CNTN5: variants seen among roughly 807,000 people sequenced by gnomAD.
The protein encoded by CNTN5 is contactin-5.
In CNTN5, 77 loss-of-function variants were observed where a neutral mutation model predicts 129.1. The observed-to-expected ratio is 0.60, with a 90% confidence interval of 0.50 to 0.72. The LOEUF is 0.72. CNTN5 is among the 30% of genes least tolerant of loss of function. CNTN5 has a pLI of 0.00. For synonymous variants in CNTN5, 509 were observed against 465.6 expected, an observed-to-expected ratio of 1.09 and a Z score of -1.20; for missense variants, 1,478 against 1,328.8, an observed-to-expected ratio of 1.11 and a Z score of -1.75.
intron 1 of CNTN5, among the ~76,000 whole-genome samples, chr11:99,046,548 T>C (rs1336275602): frequency 3.3e-5 from 5 of 152,220 alleles, no homozygotes; most frequent in Admixed American, 3.3e-4. Flanking sequence ...GTTTATAAAT[T>C]ATTTACCAGT....
At chr11:99,211,874 AC>A (rs1400864719) in intron 1 of CNTN5, among the ~76,000 whole-genome samples, 2 of 151,922 alleles carry the variant, frequency 1.3e-5, no homozygotes, top group African/African-American at 4.8e-5. Context: ...CTATTCTTTT[AC>A]TTCTTTCATT....
intron 4 of CNTN5, among the ~76,000 whole-genome samples, chr11:99,823,028 C>T (rs1408395029): frequency 1.3e-5 from 2 of 152,194 alleles, no homozygotes; most frequent in African/African-American, 2.4e-5. Context: ...CTCAGTTCAA[C>T]ACCCCTAAGG....
intron 1 of CNTN5, among the ~76,000 whole-genome samples, chr11:99,293,414 G>C (rs1864255427): frequency 6.6e-6 from 1 of 152,054 alleles, no homozygotes; most frequent in African/African-American, 2.4e-5. Context: ...CCTTTGTCTG[G>C]TTCTGGTAGC....
At chr11:99,907,165 T>C (rs1330018894) in intron 6 of CNTN5, among the ~76,000 whole-genome samples, 1 of 152,192 alleles carries the variant, frequency 6.6e-6, no homozygotes, top group Non-Finnish European at 1.5e-5. Flanking sequence ...TTCTGCTAGC[T>C]TTTGAATTTG....
At chr11:99,206,426 C>T (rs1859486184) in intron 1 of CNTN5, among the ~76,000 whole-genome samples, 1 of 152,044 alleles carries the variant, frequency 6.6e-6, no homozygotes, top group African/African-American at 2.4e-5. Context: ...AAATCGGCTG[C>T]TTTATTTTGT....
intron 17 of CNTN5, among the ~76,000 whole-genome samples, chr11:100,267,814 A>G (rs1283851343): frequency 6.6e-6 from 1 of 152,130 alleles, no homozygotes; most frequent in East Asian, 1.9e-4. Context: ...CATTCAAGCT[A>G]TGTGAAAAAA....
At chr11:99,563,554 C>G (rs1404763090) in intron 3 of CNTN5, among the ~76,000 whole-genome samples, 1 of 152,148 alleles carries the variant, frequency 6.6e-6, no homozygotes, top group Non-Finnish European at 1.5e-5. Flanking sequence ...ACAATTTATT[C>G]ACTTAAAATA....
At chr11:99,238,357 C>T (rs535647710) in intron 1 of CNTN5, among the ~76,000 whole-genome samples, 15 of 152,134 alleles carry the variant, frequency 9.9e-5, no homozygotes, top group East Asian at 1.9e-4. Context: ...TAGAGAGAAT[C>T]GATTGGCATA....
intron 1 of CNTN5, among the ~76,000 whole-genome samples, chr11:99,029,434 A>C (rs1392437327): frequency 3.9e-5 from 6 of 152,068 alleles, no homozygotes; most frequent in Admixed American, 3.9e-4. Flanking sequence ...GACATTGAAA[A>C]GATGGAAAAT....
At chr11:99,090,117 A>C (rs117306404) in intron 1 of CNTN5, among the ~76,000 whole-genome samples, 7,558 of 152,316 alleles carry the variant, frequency 0.05, 223 homozygotes, top group Middle Eastern at 0.065. Flanking sequence ...TAAATGTAAA[A>C]GTTCATAAGA....
At chr11:99,508,077 C>T (rs1946692260) in intron 2 of CNTN5, among the ~76,000 whole-genome samples, 1 of 152,174 alleles carries the variant, frequency 6.6e-6, no homozygotes, top group African/African-American at 2.4e-5. Flanking sequence ...TTGTCCAAAA[C>T]ATGTCTTCAG....
chr11:99,139,564 C>A (rs999323947), intron 1 of CNTN5, among the ~76,000 whole-genome samples: 1 of 152,152 alleles, frequency 6.6e-6, no homozygotes, highest in Non-Finnish European at 1.5e-5. Context: ...ATGTTAATAG[C>A]ACTTACAGGG....
intron 1 of CNTN5, among the ~76,000 whole-genome samples, chr11:99,162,433 T>C (rs1008446992): frequency 2.6e-5 from 4 of 152,222 alleles, no homozygotes; most frequent in Admixed American, 1.3e-4. Context: ...AAATTAAGCA[T>C]GTCACTGACG....
chr11:99,208,207 A>G (rs187631055), intron 1 of CNTN5, among the ~76,000 whole-genome samples: 113 of 152,280 alleles, frequency 7.4e-4, no homozygotes, highest in African/African-American at 2.5e-3. Flanking sequence ...ATGCAATTCA[A>G]ATGATTTTCA....
chr11:99,970,699 C>T (rs1951226497), intron 8 of CNTN5, among the ~76,000 whole-genome samples: 2 of 152,134 alleles, frequency 1.3e-5, no homozygotes, highest in Non-Finnish European at 2.9e-5. Context: ...GTATTGCAGT[C>T]AGAAACTACT....
intron 16 of CNTN5, among the ~76,000 whole-genome samples, chr11:100,252,027 CCCA>C (rs1263660715): frequency 6.6e-6 from 1 of 152,090 alleles, no homozygotes; most frequent in Non-Finnish European, 1.5e-5. Flanking sequence ...AGTTTACGTT[CCCA>C]CCAATAGTGT....
intron 2 of CNTN5, among the ~76,000 whole-genome samples, chr11:99,338,565 G>A (rs1866342608): frequency 6.6e-6 from 1 of 152,018 alleles, no homozygotes; most frequent in Non-Finnish European, 1.5e-5. Context: ...GTGAGAACCA[G>A]GGTGTGTATT....
At chr11:99,876,091 T>C (rs1482348833) in intron 6 of CNTN5, among the ~76,000 whole-genome samples, 1 of 152,090 alleles carries the variant, frequency 6.6e-6, no homozygotes, top group Non-Finnish European at 1.5e-5. Flanking sequence ...AGCTTTCTCA[T>C]TTTTTTCCAG....
intron 3 of CNTN5, among the ~76,000 whole-genome samples, chr11:99,676,757 A>G (rs888027516): frequency 6.6e-6 from 1 of 152,194 alleles, no homozygotes; most frequent in Non-Finnish European, 1.5e-5. Context: ...TTAACTTGCC[A>G]CTGTGGAAAA....
Sources: allele counts gnomAD v4.1 joint callset (sites outside exome capture counted in the v4.1 genomes callset), GRCh38; gene constraint gnomAD v4.1.1; transcripts MANE v1.5; gene names NCBI Gene and HGNC (gene_info 2026-07-23, HGNC 2026-07-21).